Variants in EVC2 observed in about 807,000 individuals in gnomAD.
EVC2 encodes EvC ciliary complex subunit 2, also known as limbin.
Under a neutral mutation model 149.3 loss-of-function variants are expected in EVC2, and 148 were observed. The ratio of observed to expected loss-of-function variants is 0.99; its 90% CI spans 0.87 to 1.14. The LOEUF is 1.14. EVC2 is among the 50% of genes most tolerant of loss of function. The probability of loss-of-function intolerance (pLI) is 0.00; values close to 1 mark genes in which losing one functional copy is unlikely to be tolerated. For synonymous variants in EVC2, 776 were observed against 649.9 expected (o/e 1.19, Z -2.95); for missense variants, 1,854 against 1,627.3 (o/e 1.14, Z -2.40).
At chr4:5,662,451 T>C (rs1018936591) in intron 9 of EVC2, among the ~76,000 whole-genome samples, 3 of 146,326 alleles carry the variant, frequency 2.1e-5, no homozygotes, top group African/African-American at 7.5e-5. Flanking sequence ...ATAAACTAAT[T>C]ATTCAATAAT....
rs149431477 is a variant in EVC2, at chr4:5,686,094, T to TAACATACACACACACA, written c.707-616_707-615insTGTGTGTGTGTATGTT. 7.0e-3 allele frequency among the ~76,000 whole-genome samples: 1,054 copies of TAACATACACACACACA among 149,826 alleles called. 20 individuals are homozygous for TAACATACACACACACA. The highest frequency in any genetic ancestry group is 0.025 in the African/African-American group (1,001 of 40,550). On this transcript the variant is annotated intron_variant, in intron 5 of 21. Coordinates refer to ENST00000344408, the MANE Select transcript of EVC2 (RefSeq NM_147127.5). The surrounding 1 kb of genome is among the most constrained non-coding windows in gnomAD (Gnocchi z 5.4). ...TAACATATATACACACACATATATATTACACACACACACACACACACACAC... is the reference window on the plus strand; with the variant it reads ...TAACATATATACACACACATATATATAACATACACACACACATACACACACACACACACACACACAC...
At chr4:5,646,816 G>T (rs889640364) in intron 9 of EVC2, among the ~76,000 whole-genome samples, 2 of 152,166 alleles carry the variant, frequency 1.3e-5, no homozygotes, top group Non-Finnish European at 2.9e-5. Context: ...ACATCAAATA[G>T]GTTACCAGGC....
the EVC2 span, among the ~76,000 whole-genome samples, chr4:5,535,549 T>C: frequency 1.4e-5 from 2 of 148,054 alleles, no homozygotes; most frequent in African/African-American, 5.0e-5. This position sits in a 1 kb window ranked among gnomAD's most constrained non-coding sequence, Gnocchi z 4.7. Context: ...TTCTGGAGAC[T>C]GAAAGGCCAA....
intron 6 of EVC2, 152 bp downstream of exon 6, chr4:5,685,218 G>A (rs142818138): frequency 9.0e-4 from 706 of 780,618 alleles, no homozygotes; most frequent in Non-Finnish European, 1.2e-3. Context: ...ATGGCAAGGC[G>A]TGTGAGACTC....
rs966082546 is a variant in EVC2, at chr4:5,646,655, T to G, written c.1146-5817A>C. 2.6e-5 allele frequency among the ~76,000 whole-genome samples: 4 copies of G among 152,336 alleles called. No homozygotes were observed. In the East Asian group the frequency reaches 7.7e-4, roughly 29 times the overall value. ...TTAAAGGGTTGGTGTCATAGTAACC[T>G]TCAATGGTGAATAATGAGTTTGGGT... On this transcript the variant is annotated intron_variant, in intron 9 of 21. Transcript: ENST00000344408.
intron 8 of EVC2, among the ~76,000 whole-genome samples, chr4:5,663,484 G>C (rs1719043146): frequency 6.6e-6 from 1 of 152,146 alleles, no homozygotes; most frequent in Non-Finnish European, 1.5e-5. Context: ...GGGTAAAGTG[G>C]AACAATGGAC....
At chr4:5,604,613 A>G (rs1326110229) in intron 16 of EVC2, among the ~76,000 whole-genome samples, 1 of 152,156 alleles carries the variant, frequency 6.6e-6, no homozygotes, top group Non-Finnish European at 1.5e-5. Context: ...TAGAAGAAAT[A>G]AGACATAGTG....
In EVC2 at chr4:5,615,529, T is replaced by C; in HGVS notation, c.2722A>G (p.Arg908Gly). 1 of 1,614,186 alleles carries C rather than the reference T, an allele frequency of 6.2e-7. No individual in the cohort carries two copies. Among genetic ancestry groups the C allele is most frequent in the East Asian group, 2.2e-5 (1 of 44,886 alleles). ...APELQQQSKV[R>G]KSRSKSKSKG... ...CTTTTACTCTTGGACCGTGACTTTC[T>C]CACCTTGGACTGTTGCTGGAGAGGG... is the stretch of plus-strand genomic sequence containing the variant. The change falls in exon 16 of 22, where the codon AGA becomes GGA. Residue 908 changes from arginine (R) to glycine (G), a missense_variant. Transcript: ENST00000344408.
intron 1 of EVC2, chr4:5,707,910 A>C: frequency 6.0e-6 from 1 of 167,032 alleles, no homozygotes; most frequent in Non-Finnish European, 1.3e-5. Context: ...GGGGCTCTGC[A>C]TATGTGAGCT....
At chr4:5,693,773 C>T (rs1721279688) in intron 3 of EVC2, among the ~76,000 whole-genome samples, 1 of 152,198 alleles carries the variant, frequency 6.6e-6, no homozygotes. Flanking sequence ...AGTCACTGAA[C>T]CCACGTTACA....
downstream of EVC2, among the ~76,000 whole-genome samples, chr4:5,557,809 TA>T (rs1232304807): frequency 6.6e-6 from 1 of 152,134 alleles, no homozygotes; most frequent in Non-Finnish European, 1.5e-5. Flanking sequence ...AAATACCATT[TA>T]AAATACCACC....
At chr4:5,690,930 G>T (rs961112227) in intron 4 of EVC2, among the ~76,000 whole-genome samples, 3 of 152,146 alleles carry the variant, frequency 2.0e-5, no homozygotes, top group Non-Finnish European at 2.9e-5. Flanking sequence ...GATTAGGAAG[G>T]TTAAAGACCT....
At chr4:5,668,945 C>A (rs949758774) in intron 7 of EVC2, among the ~76,000 whole-genome samples, 13 of 152,168 alleles carry the variant, frequency 8.5e-5, no homozygotes, top group Admixed American at 2.6e-4. Context: ...TACTGGGTCA[C>A]AGTGAGTCCT....
intron 14 of EVC2, among the ~76,000 whole-genome samples, chr4:5,621,872 T>C (rs181357462): frequency 1.3e-5 from 2 of 152,232 alleles, no homozygotes; most frequent in African/African-American, 4.8e-5. Flanking sequence ...AAAATAAACA[T>C]ATCCATTATT....
chr4:5,682,355 T>C (rs1401001822), intron 6 of EVC2, among the ~76,000 whole-genome samples: 1 of 151,326 alleles, frequency 6.6e-6, no homozygotes, highest in Non-Finnish European at 1.5e-5. Flanking sequence ...CTGGGTGTGG[T>C]GGCGGGCACC....
chr4:5,681,222 G>T, intron 7 of EVC2, 38 bp downstream of exon 7: 1 of 1,610,614 alleles, frequency 6.2e-7, no homozygotes, highest in South Asian at 1.1e-5. Context: ...CAGCACAGGT[G>T]TGTCCTGAGG....
rs1221281265 is a variant in EVC2 at position 5,567,372 on chromosome 4, T to G, written c.3557+1072A>C. Among the ~76,000 whole-genome samples the G allele has an allele frequency of 2.0e-5, 3 of 152,102 alleles. No individual in the cohort carries two copies. The highest frequency in any genetic ancestry group is 2.0e-4 in the Admixed American group (3 of 15,278). ...GTCAGATACTCTGATAAAAAGTATC[T>G]CTGATAAGGAAAACATTACCCCTTT... On this transcript the variant is annotated intron_variant, in intron 20 of 21. Transcript: ENST00000344408. The surrounding 1 kb of genome is among the most constrained non-coding windows in gnomAD (Gnocchi z 4.4).
At chr4:5,557,893 T>C (rs1721866412), downstream of EVC2, among the ~76,000 whole-genome samples, 1 of 152,156 alleles carries the variant, frequency 6.6e-6, no homozygotes, top group Non-Finnish European at 1.5e-5. Context: ...AAAACTCTGA[T>C]GAAGGTAATC....
At chr4:5,654,893 G>A (rs945663781) in intron 9 of EVC2, among the ~76,000 whole-genome samples, 3 of 152,168 alleles carry the variant, frequency 2.0e-5, no homozygotes, top group Non-Finnish European at 4.4e-5. Flanking sequence ...TTCATCTTGC[G>A]CTGTACCCTG....
Sources: gnomAD v4.1 joint callset for allele counts (sites outside exome capture counted in the v4.1 genomes callset) on GRCh38, gnomAD v4.1.1 for gene constraint, Gnocchi (gnomAD v3.1) non-coding constraint, MANE v1.5 for transcripts, NCBI Gene and HGNC (gene_info 2026-07-23, HGNC 2026-07-21) for gene names.